Variants in CNTNAP4 observed in about 807,000 individuals in gnomAD.
CNTNAP4 encodes the protein contactin associated protein family member 4.
A neutral mutation model predicts 148.4 loss-of-function variants in CNTNAP4; 98 were observed. That is an observed-to-expected ratio of 0.66 (90% CI 0.56 to 0.78). The LOEUF is 0.78. Among genes scored for constraint, CNTNAP4 ranks in the 30% least tolerant of loss-of-function variants. The pLI is 0.00. For synonymous variants in CNTNAP4, 730 were observed against 565.1 expected, an observed-to-expected ratio of 1.29 and a Z score of -4.14; for missense variants, 1,935 against 1,565.6, an observed-to-expected ratio of 1.24 and a Z score of -3.98.
chr16:76,301,131 G>C (rs1402012166), intron 1 of CNTNAP4, among the ~76,000 whole-genome samples: 1 of 151,872 alleles, frequency 6.6e-6, no homozygotes, highest in African/African-American at 2.4e-5. Flanking sequence ...GGTAAGAGTA[G>C]TGTATAAAAA....
chr16:76,466,667 T>G (rs1472052899), intron 9 of CNTNAP4, among the ~76,000 whole-genome samples: 2 of 152,040 alleles, frequency 1.3e-5, no homozygotes, highest in African/African-American at 4.8e-5. Context: ...TTATATTTAT[T>G]ATTTAAATAA....
At chr16:76,417,091 T>C (rs2079014056) in intron 3 of CNTNAP4, among the ~76,000 whole-genome samples, 1 of 151,492 alleles carries the variant, frequency 6.6e-6, no homozygotes, top group South Asian at 2.1e-4. Context: ...ACTTTTAATG[T>C]ACGTTAGTCT....
intron 10 of CNTNAP4, among the ~76,000 whole-genome samples, chr16:76,474,720 C>T (rs1353447639): frequency 1.3e-5 from 2 of 152,060 alleles, no homozygotes; most frequent in Non-Finnish European, 2.9e-5. Context: ...GAGTCAATAA[C>T]AAAACTTTCC....
At chr16:76,501,157 C>A (rs1211868450) in intron 15 of CNTNAP4, among the ~76,000 whole-genome samples, 1 of 152,202 alleles carries the variant, frequency 6.6e-6, no homozygotes, top group Non-Finnish European at 1.5e-5. Flanking sequence ...CCTGTTCTAC[C>A]AGTGAGCCTT....
intron 3 of CNTNAP4, among the ~76,000 whole-genome samples, chr16:76,373,647 C>T (rs917689227): frequency 1.3e-5 from 2 of 152,068 alleles, no homozygotes; most frequent in African/African-American, 4.8e-5. Flanking sequence ...GTAATCTCAG[C>T]ACTTTGGGAG....
intron 3 of CNTNAP4, among the ~76,000 whole-genome samples, chr16:76,419,680 T>C (rs2079111885): frequency 6.6e-6 from 1 of 152,086 alleles, no homozygotes. Flanking sequence ...TCATGTGTAC[T>C]AGCTTGTGCT....
intron 3 of CNTNAP4, among the ~76,000 whole-genome samples, chr16:76,407,557 A>C (rs2078638374): frequency 6.6e-6 from 1 of 152,030 alleles, no homozygotes; most frequent in Admixed American, 6.6e-5. Context: ...TCAGTGGAGG[A>C]AGGAACTGCG....
At chr16:76,421,877 T>C (rs541814108) in intron 3 of CNTNAP4, among the ~76,000 whole-genome samples, 30 of 152,268 alleles carry the variant, frequency 2.0e-4, no homozygotes, top group Middle Eastern at 6.8e-3. Flanking sequence ...TCTATATAAT[T>C]GCAGAGTCTG....
intron 2 of CNTNAP4, among the ~76,000 whole-genome samples, chr16:76,345,700 G>A (rs2144395551): frequency 6.6e-6 from 1 of 152,270 alleles, no homozygotes; most frequent in African/African-American, 2.4e-5. Flanking sequence ...CATTTCAAAG[G>A]GGTGGCTCCC....
intron 3 of CNTNAP4, among the ~76,000 whole-genome samples, chr16:76,414,068 C>G (rs555537418): frequency 6.6e-6 from 1 of 151,392 alleles, no homozygotes; most frequent in East Asian, 1.9e-4. Context: ...CCTTATTACA[C>G]TAACTAGAAG....
At chr16:76,345,782 G>A (rs1290046731) in intron 2 of CNTNAP4, among the ~76,000 whole-genome samples, 1 of 152,182 alleles carries the variant, frequency 6.6e-6, no homozygotes, top group Non-Finnish European at 1.5e-5. Context: ...ACCTCAAGGG[G>A]CAGAGACAGA....
chr16:76,278,156 A>G (rs891054645), intron 1 of CNTNAP4, among the ~76,000 whole-genome samples: 1 of 152,196 alleles, frequency 6.6e-6, no homozygotes, highest in African/African-American at 2.4e-5. Flanking sequence ...ATTATGCTGC[A>G]TTGGCTTAGA....
intron 2 of CNTNAP4, among the ~76,000 whole-genome samples, chr16:76,319,908 G>A (rs1407533490): frequency 6.6e-6 from 1 of 152,132 alleles, no homozygotes. Context: ...AAGATGCCCT[G>A]TTTGTAGTAC....
chr16:76,493,057 G>A (rs528001209), intron 13 of CNTNAP4, among the ~76,000 whole-genome samples: 80 of 152,030 alleles, frequency 5.3e-4, no homozygotes, highest in African/African-American at 1.9e-3. Flanking sequence ...CATGGAACAT[G>A]ACTAAATACA....
chr16:76,405,672 G>C (rs147569523), intron 3 of CNTNAP4, among the ~76,000 whole-genome samples: 17 of 152,170 alleles, frequency 1.1e-4, no homozygotes, highest in African/African-American at 4.1e-4. Context: ...GGAGGAGGAG[G>C]GAGAGGAGGG....
At chr16:76,441,769 T>C (rs2080051701) in intron 4 of CNTNAP4, among the ~76,000 whole-genome samples, 1 of 152,224 alleles carries the variant, frequency 6.6e-6, no homozygotes, top group African/African-American at 2.4e-5. Flanking sequence ...TTTTTTGCTA[T>C]GCACCTTTTC....
intron 3 of CNTNAP4, among the ~76,000 whole-genome samples, chr16:76,425,287 A>G (rs117841678): frequency 6.6e-6 from 1 of 152,150 alleles, no homozygotes; most frequent in East Asian, 1.9e-4. Context: ...GGGTTGATAC[A>G]TTGCAATTTG....
At chr16:76,374,942 C>G (rs112664442) in intron 3 of CNTNAP4, among the ~76,000 whole-genome samples, 24,559 of 151,492 alleles carry the variant, frequency 0.16, 2,575 homozygotes, top group East Asian at 0.45. Context: ...TAATTTTTGT[C>G]TTTTTTAGTA....
intron 3 of CNTNAP4, among the ~76,000 whole-genome samples, chr16:76,363,908 A>G (rs984059199): frequency 3.3e-5 from 5 of 152,008 alleles, no homozygotes; most frequent in African/African-American, 1.2e-4. Context: ...CCTTCTCATA[A>G]ACTTCTGTGA....
Sources: allele counts gnomAD v4.1 joint callset (sites outside exome capture counted in the v4.1 genomes callset), GRCh38; gene constraint gnomAD v4.1.1; transcripts MANE v1.5; gene names NCBI Gene and HGNC (gene_info 2026-07-23, HGNC 2026-07-21).